The following NR3C2 variants were observed in gnomAD, a reference collection of about 807,000 sequenced individuals.
NR3C2 encodes the protein nuclear receptor subfamily 3 group C member 2, also known as mineralocorticoid receptor.
NR3C2 carries 15 observed loss-of-function variants against 86.4 expected under a neutral mutation model. The ratio of observed to expected loss-of-function variants is 0.17; its 90% CI spans 0.12 to 0.27. The LOEUF (loss-of-function observed/expected upper bound fraction) is 0.27. Ranked by LOEUF, NR3C2 falls within the 10% of genes least tolerant of loss-of-function variation. The probability of loss-of-function intolerance (pLI) is 1.00; values close to 1 mark genes in which losing one functional copy is unlikely to be tolerated. For synonymous variants in NR3C2, 458 were observed against 450.5 expected (o/e 1.02, Z -0.21); for missense variants, 960 against 1,195.6 (o/e 0.80, Z 2.91).
intron 2 of NR3C2, among the ~76,000 whole-genome samples, chr4:148,360,950 T>C (rs1457872908): frequency 6.6e-6 from 1 of 152,166 alleles, no homozygotes; most frequent in Non-Finnish European, 1.5e-5. Flanking sequence ...GTCACCCTCA[T>C]AGACTGCCTC....
chr4:148,255,309 T>A (rs1739779072), intron 3 of NR3C2, among the ~76,000 whole-genome samples: 2 of 152,222 alleles, frequency 1.3e-5, no homozygotes. Context: ...TACACAATCA[T>A]AAATTTAAAG....
chr4:148,189,770 A>G (rs116017580), intron 4 of NR3C2, among the ~76,000 whole-genome samples: 11,035 of 152,062 alleles, frequency 0.073, 470 homozygotes, highest in Middle Eastern at 0.15. Flanking sequence ...AGCCAGGAGG[A>G]TTGTATTTTT....
intron 2 of NR3C2, among the ~76,000 whole-genome samples, chr4:148,328,900 G>C (rs1472370544): frequency 1.3e-5 from 2 of 152,142 alleles, no homozygotes; most frequent in African/African-American, 4.8e-5. Context: ...TCAATGTGCA[G>C]GTTCACTGAG....
chr4:148,441,020 TG>T (rs1228082932), intron 1 of NR3C2, among the ~76,000 whole-genome samples: 1 of 152,238 alleles, frequency 6.6e-6, no homozygotes, highest in Non-Finnish European at 1.5e-5. Flanking sequence ...AACTATTTTT[TG>T]TCATTCCCCA....
At chr4:148,174,259 C>G (rs1175203659) in intron 4 of NR3C2, among the ~76,000 whole-genome samples, 2 of 152,144 alleles carry the variant, frequency 1.3e-5, no homozygotes, top group African/African-American at 4.8e-5. Context: ...TTTTTCAACT[C>G]TAGAGTATTT....
chr4:148,082,765 T>C (rs1162293627), intron 8 of NR3C2, among the ~76,000 whole-genome samples: 1 of 150,364 alleles, frequency 6.7e-6, no homozygotes, highest in East Asian at 2.0e-4. Flanking sequence ...GGAGCCAAGC[T>C]GTTTAGCTCA....
At chr4:148,316,327 G>A (rs927833870) in intron 2 of NR3C2, among the ~76,000 whole-genome samples, 7 of 152,176 alleles carry the variant, frequency 4.6e-5, no homozygotes, top group Non-Finnish European at 1.0e-4. Flanking sequence ...GTATAGTTAT[G>A]TATAATAAAG....
chr4:148,107,901 G>A (rs1010965864), intron 8 of NR3C2, among the ~76,000 whole-genome samples: 7 of 151,932 alleles, frequency 4.6e-5, no homozygotes, highest in African/African-American at 1.7e-4. Flanking sequence ...ATGCATGTGG[G>A]GCTTAAAACC....
At chr4:148,329,672 C>CA (rs1337107701) in intron 2 of NR3C2, among the ~76,000 whole-genome samples, 1 of 152,206 alleles carries the variant, frequency 6.6e-6, no homozygotes, top group Non-Finnish European at 1.5e-5. Flanking sequence ...GCAACTCCTG[C>CA]AAAAACTTTA....
intron 2 of NR3C2, among the ~76,000 whole-genome samples, chr4:148,410,412 T>C (rs1748637045): frequency 6.6e-6 from 1 of 152,190 alleles, no homozygotes; most frequent in African/African-American, 2.4e-5. Context: ...GTCCAAGAAT[T>C]AACAAATCCA....
At chr4:148,368,785 C>T (rs1746273933) in intron 2 of NR3C2, among the ~76,000 whole-genome samples, 1 of 152,082 alleles carries the variant, frequency 6.6e-6, no homozygotes, top group Non-Finnish European at 1.5e-5. Flanking sequence ...ATGAGATACC[C>T]ACAGGGAGAC....
chr4:148,272,665 A>G (rs989812882), intron 2 of NR3C2, among the ~76,000 whole-genome samples: 8 of 152,232 alleles, frequency 5.3e-5, no homozygotes, highest in African/African-American at 1.9e-4. Flanking sequence ...GTATACCAAA[A>G]TAACTTTCAT....
intron 8 of NR3C2, among the ~76,000 whole-genome samples, chr4:148,087,478 T>C (rs1210285736): frequency 1.3e-5 from 2 of 152,176 alleles, no homozygotes; most frequent in Admixed American, 1.3e-4. Context: ...GGCATCATGC[T>C]ACCTGACTTT....
intron 2 of NR3C2, among the ~76,000 whole-genome samples, chr4:148,283,928 A>G (rs1408474772): frequency 6.6e-6 from 1 of 152,200 alleles, no homozygotes; most frequent in African/African-American, 2.4e-5. Flanking sequence ...AGTGATTACC[A>G]GGCTCTCCCC....
At chr4:148,407,245 GTT>G (rs1448313640) in intron 2 of NR3C2, among the ~76,000 whole-genome samples, 2 of 152,186 alleles carry the variant, frequency 1.3e-5, no homozygotes, top group Non-Finnish European at 2.9e-5. Context: ...GTCACAGATT[GTT>G]AGGAAGATGG....
chr4:148,369,483 G>A (rs936166389), intron 2 of NR3C2, among the ~76,000 whole-genome samples: 37 of 152,124 alleles, frequency 2.4e-4, no homozygotes, highest in African/African-American at 8.2e-4. Context: ...ACTTCACTTT[G>A]AGGCATGACA....
Position 148,154,836 on chromosome 4 carries a change from G to A in NR3C2, c.2080C>T (p.Pro694Ser), listed in dbSNP as rs1734282957. 7.3e-7 allele frequency: 1 copy of A among 1,373,050 alleles called. No individual in the cohort carries two copies. The highest frequency in any genetic ancestry group is 9.9e-7 in the Non-Finnish European group (1 of 1,010,248). The allele number at this position is 1,373,050 out of a possible 1,614,324, so 85.1% of individuals were successfully genotyped here. A position where few individuals can be genotyped will look rare whatever the true frequency, so the allele number is the denominator to read the frequency against. The part of the protein sequence containing the change: ...IHEEQPQQQQ[P>S]PPPPPPPQSP... ...TGCGGGGGTGGGGGTGGGGGTGGGG[G>A]CTGCTGCTGCTGTGGCTGCTCCTCG... Residue 694 changes from proline (P) to serine (S), a missense_variant, in exon 5 of 9, where the codon CCC (proline) becomes TCC (serine). Pro to Ser is a moderately conservative substitution (Grantham distance 74, BLOSUM62 -1). This residue lies in a region of NR3C2 where 82 missense variants were observed against 73.0 expected (regional missense o/e 1.12). Coordinates refer to ENST00000358102, the MANE Select transcript of NR3C2 (RefSeq NM_000901.5).
At chr4:148,147,482 C>T (rs1436307932) in intron 6 of NR3C2, among the ~76,000 whole-genome samples, 1 of 152,234 alleles carries the variant, frequency 6.6e-6, no homozygotes, top group Non-Finnish European at 1.5e-5. Context: ...TTATTCAGCA[C>T]ATATTTATGG....
At chr4:148,394,733 T>C (rs530032265) in intron 2 of NR3C2, among the ~76,000 whole-genome samples, 1 of 152,190 alleles carries the variant, frequency 6.6e-6, no homozygotes, top group African/African-American at 2.4e-5. Flanking sequence ...TGGAACTGGG[T>C]ACTACACAGA....
Sources: allele counts gnomAD v4.1 joint callset (sites outside exome capture counted in the v4.1 genomes callset), GRCh38; gene constraint gnomAD v4.1.1; regional missense constraint gnomAD v4.1.1; transcripts MANE v1.5; gene names NCBI Gene and HGNC (gene_info 2026-07-23, HGNC 2026-07-21).